The following LIN7A variants were observed in gnomAD, a reference collection of about 807,000 sequenced individuals.
LIN7A encodes lin-7 cell polarity scaffold A.
Under a neutral mutation model 29.8 loss-of-function variants are expected in LIN7A, and 25 were observed. That is an observed-to-expected ratio of 0.84 (90% CI 0.61 to 1.17). The LOEUF (loss-of-function observed/expected upper bound fraction) is 1.17. Ranked by LOEUF, LIN7A falls within the 50% of genes most tolerant of loss-of-function variation. The pLI is 0.00. For missense variants in LIN7A, 239 were observed against 287.0 expected (o/e 0.83, Z 1.21); for synonymous variants, 118 against 107.5 (o/e 1.10, Z -0.60).
intron 2 of LIN7A, among the ~76,000 whole-genome samples, chr12:80,863,514 C>T (rs910089498): frequency 5.3e-5 from 8 of 152,120 alleles, no homozygotes; most frequent in African/African-American, 1.9e-4. Context: ...TTGAATTATC[C>T]AGATTTCCCA....
intron 4 of LIN7A, among the ~76,000 whole-genome samples, chr12:80,840,575 TG>T (rs1044698276): frequency 1.2e-4 from 18 of 151,370 alleles, no homozygotes; most frequent in Non-Finnish European, 5.9e-5. Flanking sequence ...ATGTAAATAC[TG>T]TTAAAAAAAA....
intron 4 of LIN7A, among the ~76,000 whole-genome samples, chr12:80,835,359 G>A (rs910033790): frequency 6.6e-6 from 1 of 152,054 alleles, no homozygotes; most frequent in African/African-American, 2.4e-5. Flanking sequence ...AAGGTAGACA[G>A]GACAGGTGTT....
chr12:80,853,846 C>G (rs929554033), intron 2 of LIN7A, among the ~76,000 whole-genome samples: 2 of 152,084 alleles, frequency 1.3e-5, no homozygotes, highest in Non-Finnish European at 2.9e-5. Context: ...CGTCCACCAC[C>G]ATGCCCAGCT....
intron 4 of LIN7A, chr12:80,832,684 T>A (rs963817371): frequency 2.3e-6 from 1 of 437,552 alleles, no homozygotes; most frequent in African/African-American, 2.1e-5. Context: ...CTCTACTCTT[T>A]AGCTACAAAC....
chr12:80,808,672 A>T (rs1322510863), intron 5 of LIN7A, among the ~76,000 whole-genome samples: 2 of 150,648 alleles, frequency 1.3e-5, no homozygotes, highest in Non-Finnish European at 3.0e-5. Flanking sequence ...CGCCCGGCTA[A>T]TTTTTTGTAT....
intron 4 of LIN7A, among the ~76,000 whole-genome samples, chr12:80,829,809 C>T (rs1043833383): frequency 1.3e-5 from 2 of 152,156 alleles, no homozygotes; most frequent in African/African-American, 4.8e-5. Context: ...CATAATAGAT[C>T]ATAATGAGAT....
intron 4 of LIN7A, among the ~76,000 whole-genome samples, chr12:80,838,478 T>A (rs1040690611): frequency 6.6e-6 from 1 of 152,198 alleles, no homozygotes; most frequent in African/African-American, 2.4e-5. Context: ...ATATACCAGA[T>A]CATGCTGCAT....
intron 1 of LIN7A, among the ~76,000 whole-genome samples, chr12:80,920,429 G>T (rs751564905): frequency 1.3e-4 from 20 of 152,164 alleles, no homozygotes; most frequent in Non-Finnish European, 2.6e-4. Context: ...ACCAAAGATG[G>T]AAGGGAGCAA....
intron 1 of LIN7A, among the ~76,000 whole-genome samples, chr12:80,896,426 T>C (rs1875900019): frequency 6.6e-6 from 1 of 152,244 alleles, no homozygotes; most frequent in East Asian, 1.9e-4. Flanking sequence ...ACAACGACAG[T>C]GCATGTGTAC....
chr12:80,811,503 G>C lies in LIN7A; in HGVS notation c.664C>G (p.Gln222Glu). The change falls in exon 5 of 6, where the codon CAG (glutamine) becomes GAG (glutamate). Residue 222 changes from glutamine (Q) to glutamate (E), a missense_variant. Coordinates refer to ENST00000552864, the MANE Select transcript of LIN7A (RefSeq NM_004664.4). ...QQLLIQQQQQ[Q>E]QQQQTQQNHM... ...TTTTGTTGTGTTTGTTGCTGCTGCTGCTGTTGCTGCTGCTGAATTAGCAAT... is the reference window on the plus strand; with the variant it reads ...TTTTGTTGTGTTTGTTGCTGCTGCTCCTGTTGCTGCTGCTGAATTAGCAAT... 1.3e-6 allele frequency: 2 copies of C among 1,588,264 alleles called. No individual in the cohort carries two copies. Among genetic ancestry groups the C allele is most frequent in the South Asian group, 2.2e-5 (2 of 89,548 alleles).
chr12:80,856,247 C>A (rs930373995), intron 2 of LIN7A, among the ~76,000 whole-genome samples: 4 of 152,142 alleles, frequency 2.6e-5, no homozygotes, highest in Non-Finnish European at 4.4e-5. Flanking sequence ...CATTTCTCTG[C>A]AGCCATCAAC....
At chr12:80,847,672 G>C (rs773776584) in intron 3 of LIN7A, among the ~76,000 whole-genome samples, 5 of 151,934 alleles carry the variant, frequency 3.3e-5, no homozygotes, top group Non-Finnish European at 7.4e-5. Context: ...TGATGTTATC[G>C]GTATAACATT....
In LIN7A at chr12:80,853,199, G is replaced by A. The variant is rs369311231; in HGVS notation, c.202-4877C>T. Among the ~76,000 whole-genome samples, 13 of 152,220 alleles carry A rather than the reference G, an allele frequency of 8.5e-5. No individual in the cohort carries two copies. In the South Asian group the frequency reaches 1.2e-3, roughly 15 times the overall value. ...ATATTTCTCAAGTAAATGTTATATAGAACTATGCTATCTTTAGGGTCTCTT... is the reference window on the plus strand; with the variant it reads ...ATATTTCTCAAGTAAATGTTATATAAAACTATGCTATCTTTAGGGTCTCTT... On this transcript the variant is annotated intron_variant, in intron 2 of 5. Coordinates refer to ENST00000552864, the MANE Select transcript of LIN7A (RefSeq NM_004664.4).
chr12:80,937,779 G>T lies in LIN7A; in HGVS notation c.-57C>A. The T allele has an allele frequency of 3.2e-6, 1 of 315,548 alleles. No individual in the cohort carries two copies. Among genetic ancestry groups the T allele is most frequent in the Non-Finnish European group, 5.9e-6 (1 of 170,552 alleles). 19.5% of individuals were successfully genotyped at this position (315,548 alleles called of 1,614,324 possible). A position where few individuals can be genotyped will look rare whatever the true frequency, so the allele number is the denominator to read the frequency against. ...GAGATTGGGGGCGGGGGTGGAGAGG[G>T]AAGACGGAAAGGAGGGGGAGGAGGG... On this transcript the variant is annotated 5_prime_UTR_variant, in exon 1 of 6. Coordinates refer to ENST00000552864, the MANE Select transcript of LIN7A (RefSeq NM_004664.4).
chr12:80,801,041 G>A (rs1408505172), intron 5 of LIN7A, among the ~76,000 whole-genome samples: 1 of 149,890 alleles, frequency 6.7e-6, no homozygotes, highest in African/African-American at 2.5e-5. Context: ...AATTTAGCAT[G>A]TAAAATATGA....
chr12:80,915,615 ATCAACCTAGTTG>A (rs1410511568), intron 1 of LIN7A, among the ~76,000 whole-genome samples: 8 of 152,236 alleles, frequency 5.3e-5, no homozygotes, highest in African/African-American at 1.9e-4. Flanking sequence ...GACACATGGA[ATCAACCTAGTTG>A]TCCATCGATG....
intron 1 of LIN7A, among the ~76,000 whole-genome samples, chr12:80,909,001 T>C (rs543412529): frequency 7.2e-5 from 11 of 152,298 alleles, no homozygotes; most frequent in African/African-American, 2.6e-4. Context: ...CCTTTTCTAT[T>C]ATGATACGTG....
intron 2 of LIN7A, among the ~76,000 whole-genome samples, chr12:80,880,148 A>G (rs1874951358): frequency 1.3e-5 from 2 of 152,282 alleles, no homozygotes; most frequent in African/African-American, 4.8e-5. Flanking sequence ...CAGCACTTTC[A>G]TGTCAATGGA....
chr12:80,933,483 C>T (rs550851292), intron 1 of LIN7A, among the ~76,000 whole-genome samples: 14 of 152,250 alleles, frequency 9.2e-5, no homozygotes, highest in Admixed American at 2.6e-4. Flanking sequence ...GAGCCTTCCT[C>T]GACCAATGCT....
Sources: allele counts gnomAD v4.1 joint callset (sites outside exome capture counted in the v4.1 genomes callset), GRCh38; gene constraint gnomAD v4.1.1; transcripts MANE v1.5; gene names NCBI Gene and HGNC (gene_info 2026-07-23, HGNC 2026-07-21).